ZFHX3: variants seen among roughly 807,000 people sequenced by gnomAD.
ZFHX3 encodes the protein zinc finger homeobox 3, also known as zinc finger homeobox protein 3.
Under a neutral mutation model 279.1 loss-of-function variants are expected in ZFHX3, and 42 were observed. The ratio of observed to expected loss-of-function variants is 0.15; its 90% CI spans 0.12 to 0.19. The LOEUF (loss-of-function observed/expected upper bound fraction) is 0.19. ZFHX3 is among the 10% of genes least tolerant of loss of function. The pLI is 1.00. For missense variants in ZFHX3, 4,981 were observed against 4,754.0 expected, an observed-to-expected ratio of 1.05 and a Z score of -1.40; for synonymous variants, 2,293 against 1,957.8, an observed-to-expected ratio of 1.17 and a Z score of -4.52.
intron 1 of ZFHX3, among the ~76,000 whole-genome samples, chr16:73,877,487 G>T (rs2029990326): frequency 2.0e-5 from 3 of 152,074 alleles, no homozygotes; most frequent in Non-Finnish European, 4.4e-5. Flanking sequence ...TAATTCAAAA[G>T]GAATCAAGTT....
chr16:73,659,695 T>C (rs1469128403), intron 2 of ZFHX3, among the ~76,000 whole-genome samples: 2 of 152,124 alleles, frequency 1.3e-5, no homozygotes, highest in Non-Finnish European at 2.9e-5. Flanking sequence ...CCATTTGCAG[T>C]TCTGTGCCCC....
At chr16:73,884,039 G>A (rs1281572261) in intron 1 of ZFHX3, among the ~76,000 whole-genome samples, 2 of 152,136 alleles carry the variant, frequency 1.3e-5, no homozygotes, top group African/African-American at 2.4e-5. Context: ...GTCCCAATAC[G>A]TGAACCACAC....
chr16:73,192,634 G>A (rs1314717315), intron 5 of ZFHX3, among the ~76,000 whole-genome samples: 1 of 152,214 alleles, frequency 6.6e-6, no homozygotes, highest in Non-Finnish European at 1.5e-5. Flanking sequence ...CTCTGTGCTA[G>A]GTCCAAGTGA....
chr16:73,195,901 TGGTG>T (rs1011866592), intron 5 of ZFHX3, among the ~76,000 whole-genome samples: 8 of 152,250 alleles, frequency 5.3e-5, no homozygotes, highest in African/African-American at 1.9e-4. Flanking sequence ...GTTACACCAA[TGGTG>T]CAGAGAGGAA....
chr16:73,552,324 T>A (rs955299890), intron 2 of ZFHX3, among the ~76,000 whole-genome samples: 1 of 152,194 alleles, frequency 6.6e-6, no homozygotes, highest in African/African-American at 2.4e-5. Flanking sequence ...AATACATACC[T>A]ATTATGCCCT....
chr16:72,954,648 A>T (rs1040341622), intron 2 of ZFHX3, among the ~76,000 whole-genome samples: 1 of 152,182 alleles, frequency 6.6e-6, no homozygotes, highest in Non-Finnish European at 1.5e-5. Flanking sequence ...CCACCCCGAC[A>T]AGCAACCCCT....
chr16:73,113,962 ATT>A (rs1190178768), intron 7 of ZFHX3, among the ~76,000 whole-genome samples: 1 of 151,492 alleles, frequency 6.6e-6, no homozygotes, highest in East Asian at 1.9e-4. Context: ...TGCCCAGCTA[ATT>A]TTTTTGTATT....
At chr16:72,896,954 G>A (rs952784426) in intron 3 of ZFHX3, among the ~76,000 whole-genome samples, 1 of 152,186 alleles carries the variant, frequency 6.6e-6, no homozygotes, top group Non-Finnish European at 1.5e-5. Context: ...CCGCCCTCTC[G>A]GCACACTGTG....
rs1346480732 is a variant in ZFHX3 at position 72,959,708 on chromosome 16, G to T, written c.438C>A (p.Ser146Arg). The change falls in exon 2 of 10, where the codon AGC (serine) becomes AGA (arginine). Residue 146 changes from serine to arginine, a missense_variant. Ser to Arg is a moderately radical substitution (Grantham distance 110). Transcript: ENST00000268489. ...QPDGSAYIVE[S>R]LSQLTQGGGA... The stretch of plus-strand genomic sequence containing the variant: ...CCCCGCCCTGGGTCAGCTGGCTCAG[G>T]CTCTCCACAATGTACGCGGAGCCGT... The T allele has an allele frequency of 6.2e-7, 1 of 1,613,912 alleles. No individual in the cohort carries two copies. Among genetic ancestry groups the T allele is most frequent in the Non-Finnish European group, 8.5e-7 (1 of 1,180,002 alleles).
intron 4 of ZFHX3, among the ~76,000 whole-genome samples, chr16:73,288,684 G>T (rs1019151071): frequency 6.6e-6 from 1 of 152,060 alleles, no homozygotes; most frequent in African/African-American, 2.4e-5. Context: ...GGACTGCTTC[G>T]TTTGAGGCTT....
At chr16:73,784,299 AG>A (rs1267073352) in intron 1 of ZFHX3, among the ~76,000 whole-genome samples, 1 of 152,152 alleles carries the variant, frequency 6.6e-6, no homozygotes, top group Non-Finnish European at 1.5e-5. Context: ...ATACATATCA[AG>A]TGCTTCACCT....
intron 1 of ZFHX3, among the ~76,000 whole-genome samples, chr16:73,780,438 G>A (rs975765640): frequency 1.3e-4 from 19 of 150,398 alleles, no homozygotes; most frequent in African/African-American, 3.7e-4. Flanking sequence ...ATGAGCCACC[G>A]TGCCTGAACT....
intron 3 of ZFHX3, among the ~76,000 whole-genome samples, chr16:73,392,077 T>G (rs186578317): frequency 2.9e-4 from 44 of 152,158 alleles, no homozygotes; most frequent in Admixed American, 1.3e-4. Context: ...TGGGCCCTCA[T>G]TTTTCACAGT....
intron 3 of ZFHX3, among the ~76,000 whole-genome samples, chr16:73,349,961 G>A (rs1028656352): frequency 1.4e-5 from 2 of 141,878 alleles, no homozygotes; most frequent in Non-Finnish European, 3.0e-5. Flanking sequence ...GGATCCTTGA[G>A]AACTCAGGCC....
chr16:73,716,882 T>G (rs2053421460), intron 1 of ZFHX3, among the ~76,000 whole-genome samples: 1 of 152,150 alleles, frequency 6.6e-6, no homozygotes, highest in South Asian at 2.1e-4. Context: ...TCAGGCCAGT[T>G]TGTGAAGCCC....
rs2037023534 is a variant in ZFHX3 at position 72,829,879 on chromosome 16, T to C, written c.3449-20A>G. On this transcript the variant is annotated intron_variant, in intron 4 of 9. Coordinates refer to ENST00000268489, the MANE Select transcript of ZFHX3 (RefSeq NM_006885.4). Reference sequence around the variant, plus strand: ...CTTCTTCTGAAACAGAAGAAAAACATGTCAAGGGTTAAAAATAAAAAGAAG... The same window carrying C: ...CTTCTTCTGAAACAGAAGAAAAACACGTCAAGGGTTAAAAATAAAAAGAAG... 1.9e-6 allele frequency: 3 copies of C among 1,613,730 alleles called. No homozygotes were observed. Among genetic ancestry groups the C allele is most frequent in the Admixed American group, 1.7e-5 (1 of 59,972 alleles).
At chr16:72,992,805 C>T (rs1245520131) in intron 1 of ZFHX3, among the ~76,000 whole-genome samples, 3 of 152,318 alleles carry the variant, frequency 2.0e-5, no homozygotes, top group Admixed American at 6.5e-5. Context: ...ATTCCAGCCG[C>T]GGAAGGAAGG....
At chr16:73,040,982 T>C (rs760238846) in intron 1 of ZFHX3, among the ~76,000 whole-genome samples, 43 of 152,242 alleles carry the variant, frequency 2.8e-4, no homozygotes, top group Non-Finnish European at 3.4e-4. Context: ...CAGCAGAGGG[T>C]GTAAGGCCCA....
intron 4 of ZFHX3, among the ~76,000 whole-genome samples, chr16:73,313,866 G>T (rs1215538413): frequency 1.3e-5 from 2 of 152,180 alleles, no homozygotes; most frequent in Non-Finnish European, 2.9e-5. Flanking sequence ...CCAACACTTT[G>T]GGAGGCTGTG....
Sources: allele counts gnomAD v4.1 joint callset (sites outside exome capture counted in the v4.1 genomes callset), GRCh38; gene constraint gnomAD v4.1.1; transcripts MANE v1.5; gene names NCBI Gene and HGNC (gene_info 2026-07-23, HGNC 2026-07-21).